LIPI: variants seen among roughly 807,000 people sequenced by gnomAD.
LIPI encodes lipase I, also known as lipase member I.
LIPI carries 59 observed loss-of-function variants against 50.6 expected under a neutral mutation model. The observed-to-expected ratio is 1.16, with a 90% CI of 0.94 to 1.45. LIPI has a LOEUF of 1.45. Ranked by LOEUF, LIPI falls within the 40% of genes most tolerant of loss-of-function variation. LIPI has a pLI of 0.00. For synonymous variants in LIPI, 203 were observed against 178.2 expected (o/e 1.14, Z -1.11); for missense variants, 586 against 536.3 (o/e 1.09, Z -0.92).
At chr21:14,148,232 G>A (rs2017972907) in intron 8 of LIPI, among the ~76,000 whole-genome samples, 1 of 152,094 alleles carries the variant, frequency 6.6e-6, no homozygotes, top group Non-Finnish European at 1.5e-5. Context: ...CAAATGCAAA[G>A]TGTAGGTATT....
chr21:14,111,850 T>A (rs2016426803), intron 9 of LIPI, among the ~76,000 whole-genome samples: 1 of 112,022 alleles, frequency 8.9e-6, no homozygotes, highest in Non-Finnish European at 2.0e-5. Context: ...TTCATTTTGT[T>A]TTGTTTTTTT....
rs79110268 is a variant in LIPI, at chr21:14,165,147, C to T, written c.901+76G>A. On this transcript the variant is annotated intron_variant, in intron 6 of 9. Coordinates refer to ENST00000681601, the MANE Select transcript of LIPI (RefSeq NM_001302998.2). ...CAAGTAAACAGAGTGCACAGTTTAG[C>T]TTCCAGCAGAAAATACTAACAATTA... 9.0e-4 allele frequency: 1,042 copies of T among 1,160,974 alleles called. 8 individuals are homozygous for T. In the African/African-American group the frequency reaches 0.014, roughly 16 times the overall value. 71.9% of individuals were successfully genotyped at this position (1,160,974 alleles called of 1,614,324 possible). A position where few individuals can be genotyped will look rare whatever the true frequency, so the allele number is the denominator to read the frequency against.
intron 3 of LIPI, 89 bp from the exon 4 acceptor site, chr21:14,181,948 A>T (rs2019286611): frequency 2.7e-6 from 2 of 747,658 alleles, no homozygotes; most frequent in African/African-American, 3.5e-5. Context: ...TTATAAACAT[A>T]AAAAGCATTT....
At chr21:14,205,244 A>G (rs1191653056) in intron 1 of LIPI, among the ~76,000 whole-genome samples, 2 of 151,916 alleles carry the variant, frequency 1.3e-5, no homozygotes, top group Non-Finnish European at 2.9e-5. Context: ...CAACATTTCA[A>G]TACAGAATAT....
chr21:14,206,808 A>G, intron 1 of LIPI: 1 of 1,522,012 alleles, frequency 6.6e-7, no homozygotes, highest in East Asian at 2.3e-5. Context: ...AAGTTAAAAG[A>G]GATTACCTGA....
At chr21:14,155,045 T>TAACA (rs2123107554) in intron 7 of LIPI, among the ~76,000 whole-genome samples, 1 of 151,920 alleles carries the variant, frequency 6.6e-6, no homozygotes, top group South Asian at 2.1e-4. Flanking sequence ...GATTCAAAGT[T>TAACA]AACATGTCTC....
intron 9 of LIPI, among the ~76,000 whole-genome samples, chr21:14,121,861 A>G (rs866526815): frequency 6.6e-6 from 1 of 152,178 alleles, no homozygotes; most frequent in African/African-American, 2.4e-5. Context: ...CCCTGCCCCA[A>G]CCACACCAGA....
chr21:14,185,811 A>C, intron 3 of LIPI, 150 bp downstream of exon 3: 1 of 575,842 alleles, frequency 1.7e-6, no homozygotes, highest in South Asian at 2.0e-5. Context: ...TAAGCCCACG[A>C]AGCAGAGGTT....
chr21:14,183,087 A>G (rs1236580992), intron 3 of LIPI, among the ~76,000 whole-genome samples: 2 of 147,996 alleles, frequency 1.4e-5, no homozygotes, highest in African/African-American at 4.9e-5. Flanking sequence ...CTACAAGGCT[A>G]CAGTAACCAA....
intron 3 of LIPI, among the ~76,000 whole-genome samples, chr21:14,183,303 A>G (rs1202481328): frequency 6.6e-6 from 1 of 152,204 alleles, no homozygotes; most frequent in Non-Finnish European, 1.5e-5. Context: ...TCCCTTCCTT[A>G]CACCTTATAC....
intron 9 of LIPI, among the ~76,000 whole-genome samples, chr21:14,122,948 G>C (rs575436394): frequency 4.6e-5 from 7 of 152,292 alleles, no homozygotes; most frequent in African/African-American, 1.7e-4. Flanking sequence ...CAAAAGTTCA[G>C]ATTCCACCAA....
chr21:14,172,170 C>T (rs2018936526), intron 4 of LIPI, among the ~76,000 whole-genome samples: 1 of 151,094 alleles, frequency 6.6e-6, no homozygotes, highest in South Asian at 2.1e-4. Flanking sequence ...CAATGAGATA[C>T]CATCTCACAC....
chr21:14,136,179 T>G (rs1413393219), intron 9 of LIPI, among the ~76,000 whole-genome samples: 1 of 152,178 alleles, frequency 6.6e-6, no homozygotes, highest in African/African-American at 2.4e-5. Context: ...ACCCAGGTAC[T>G]GCATGGAGGG....
intron 1 of LIPI, among the ~76,000 whole-genome samples, chr21:14,199,994 A>G (rs954543361): frequency 2.0e-5 from 3 of 152,176 alleles, no homozygotes; most frequent in African/African-American, 7.2e-5. Context: ...AGAACTAAAG[A>G]CAAAAACCAC....
At chr21:14,158,483 G>T (rs1484327756) in intron 7 of LIPI, among the ~76,000 whole-genome samples, 1 of 151,076 alleles carries the variant, frequency 6.6e-6, no homozygotes, top group Non-Finnish European at 1.5e-5. Flanking sequence ...TAGAAATGAA[G>T]AAATATCTGA....
At chr21:14,158,715 G>C (rs1463867999) in intron 7 of LIPI, among the ~76,000 whole-genome samples, 2 of 149,548 alleles carry the variant, frequency 1.3e-5, no homozygotes, top group South Asian at 4.2e-4. Flanking sequence ...TCTGATTCTT[G>C]AATAAAAACC....
chr21:14,148,272 A>G (rs2017974446), intron 8 of LIPI, among the ~76,000 whole-genome samples: 1 of 152,084 alleles, frequency 6.6e-6, no homozygotes. Context: ...GGTGATCCCT[A>G]TTTTCTATTA....
intron 9 of LIPI, among the ~76,000 whole-genome samples, chr21:14,113,180 A>G (rs562612232): frequency 6.6e-6 from 1 of 152,384 alleles, no homozygotes; most frequent in East Asian, 1.9e-4. Flanking sequence ...TAAAATTCAC[A>G]GCATCTGTGA....
In LIPI at chr21:14,167,693, T is replaced by G. The variant is rs988832851; in HGVS notation, c.644-1242A>C. 1.3e-5 allele frequency among the ~76,000 whole-genome samples: 2 copies of G among 151,994 alleles called. 1 individual carries two copies. Among genetic ancestry groups the G allele is most frequent in the South Asian group, 4.1e-4 (2 of 4,834 alleles). ...GGAAAACTAACAAACAGAAAGGACA[T>G]CCACACCAAAAACCCATCTGTACAT... is the stretch of plus-strand genomic sequence containing the variant. On this transcript the variant is annotated intron_variant, in intron 4 of 9. Coordinates refer to ENST00000681601, the MANE Select transcript of LIPI (RefSeq NM_001302998.2).
Sources: gnomAD v4.1 joint callset for allele counts (sites outside exome capture counted in the v4.1 genomes callset) on GRCh38, gnomAD v4.1.1 for gene constraint, MANE v1.5 for transcripts, NCBI Gene and HGNC (gene_info 2026-07-23, HGNC 2026-07-21) for gene names.